The following GLS variants were observed in gnomAD, a reference collection of about 807,000 sequenced individuals.
The protein encoded by GLS is glutaminase kidney isoform, mitochondrial.
A neutral mutation model predicts 86.7 loss-of-function variants in GLS; 36 were observed. The ratio of observed to expected loss-of-function variants is 0.42; its 90% confidence interval spans 0.32 to 0.55. The LOEUF is 0.55. Ranked by LOEUF, GLS falls within the 20% of genes least tolerant of loss-of-function variation. The pLI, the probability that GLS is intolerant of heterozygous loss-of-function variation, is 0.17. For missense variants in GLS, 528 were observed against 833.4 expected, an observed-to-expected ratio of 0.63 and a Z score of 4.51; for synonymous variants, 317 against 305.9, an observed-to-expected ratio of 1.04 and a Z score of -0.38.
chr2:190,912,601 A>C (rs1689400622), intron 7 of GLS, among the ~76,000 whole-genome samples: 1 of 152,150 alleles, frequency 6.6e-6, no homozygotes, highest in Admixed American at 6.6e-5. Context: ...TGTCAAACCC[A>C]GTTCTCTTAC....
rs1292895040 is a variant in GLS at position 190,938,529 on chromosome 2, G to C, written c.1650+6892G>C. ...ATATATTTTTTAGAATCACAGATTT[G>C]AATTTGAAAGTAATCTTAAATGTTA... On this transcript the variant is annotated intron_variant, in intron 14 of 17. Coordinates refer to ENST00000320717, the MANE Select transcript of GLS (RefSeq NM_014905.5). The surrounding 1 kb of genome is among the most constrained non-coding windows in gnomAD (Gnocchi z 4.1). Among the ~76,000 whole-genome samples the C allele has an allele frequency of 6.6e-6, 1 of 151,442 alleles. No individual in the cohort carries two copies. Among genetic ancestry groups the C allele is most frequent in the Non-Finnish European group, 1.5e-5 (1 of 67,484 alleles).
In GLS at chr2:190,954,844, T is replaced by C; in HGVS notation, c.1853+26T>C. The C allele has an allele frequency of 6.9e-7, 1 of 1,440,026 alleles. No individual in the cohort carries two copies. The highest frequency in any genetic ancestry group is 9.6e-7 in the Non-Finnish European group (1 of 1,036,880). 89.2% of individuals were successfully genotyped at this position (1,440,026 alleles called of 1,614,324 possible). On this transcript the variant is annotated intron_variant, in intron 17 of 17. Coordinates refer to ENST00000320717, the MANE Select transcript of GLS (RefSeq NM_014905.5). The surrounding 1 kb of genome is among the most constrained non-coding windows in gnomAD (Gnocchi z 4.0). Reference sequence around the variant, plus strand: ...GTGAGCACTTATGTTACCTTCTAAATATGTCAGTATTTTATTATGCAGGAC... The same window carrying C: ...GTGAGCACTTATGTTACCTTCTAAACATGTCAGTATTTTATTATGCAGGAC...
chr2:190,887,574 G>C (rs892059781), intron 1 of GLS, among the ~76,000 whole-genome samples: 8 of 152,000 alleles, frequency 5.3e-5, no homozygotes, highest in African/African-American at 1.9e-4. Flanking sequence ...TTGTCTTCTT[G>C]ATGAGGATAT....
chr2:190,923,508 A>G (rs1689811078), intron 9 of GLS, among the ~76,000 whole-genome samples: 1 of 152,190 alleles, frequency 6.6e-6, no homozygotes, highest in Non-Finnish European at 1.5e-5. Flanking sequence ...TCCCACTCTC[A>G]GTGAAAGTTC....
At position 190,900,674 on chromosome 2, in the gene GLS, A is replaced by C; in HGVS notation, c.716A>C (p.Lys239Thr). 1 of 1,607,586 alleles carries C rather than the reference A, an allele frequency of 6.2e-7. No individual in the cohort carries two copies. Among genetic ancestry groups the C allele is most frequent in the Non-Finnish European group, 8.5e-7 (1 of 1,175,030 alleles). The part of the protein sequence containing the change: ...SHIDELYESA[K>T]KQSGGKVADY... ...ATTGATGAGTTATATGAAAGTGCTA[A>C]AAAGCAGTCTGGAGGAAAGGTAATG... The change falls in exon 4 of 18, where the codon AAA becomes ACA. Residue 239 changes from lysine (K) to threonine (T), a missense_variant. Physicochemically the swap from Lys to Thr is moderately conservative, Grantham distance 78. Around this residue, in one of 4 missense-constraint regions of GLS, gnomAD observed 111 missense variants for 179.5 expected, o/e 0.62. Coordinates refer to ENST00000320717, the MANE Select transcript of GLS (RefSeq NM_014905.5).
chr2:190,935,082 T>C lies in GLS; in HGVS notation c.1650+3445T>C. 2 of 947,078 alleles carry C rather than the reference T, an allele frequency of 2.1e-6. No individual in the cohort carries two copies. The highest frequency in any genetic ancestry group is 2.5e-6 in the Non-Finnish European group (2 of 795,388). 58.7% of individuals were successfully genotyped at this position (947,078 alleles called of 1,614,324 possible). On this transcript the variant is annotated intron_variant, in intron 14 of 17. Transcript: ENST00000320717. This position sits in a 1 kb window ranked among gnomAD's most constrained non-coding sequence, Gnocchi z 4.2. ...ATATTTGATTTTCTTTTTTCTTTCT[T>C]TTTTTGGCATCATTAACATTTCATT...
chr2:190,960,618 C>T (rs1057429846), intron 17 of GLS, among the ~76,000 whole-genome samples: 4 of 152,028 alleles, frequency 2.6e-5, no homozygotes, highest in Non-Finnish European at 5.9e-5. Context: ...TCAAGCGGTC[C>T]TCCCATCTCA....
In GLS at chr2:190,881,181, AC is replaced by A; in HGVS notation, c.100del (p.Leu34CysfsTer98). The A allele has an allele frequency of 7.1e-7, 1 of 1,411,492 alleles. No individual in the cohort carries two copies. Among genetic ancestry groups the A allele is most frequent in the South Asian group, 1.5e-5 (1 of 68,256 alleles). The allele number at this position is 1,411,492 out of a possible 1,614,324, so 87.4% of individuals were successfully genotyped here. A position where few individuals can be genotyped will look rare whatever the true frequency, so the allele number is the denominator to read the frequency against. ...TCTGCGGCGGGCACAGCCCTTGGTC[AC>A]CCTGTGCCGGCGTCCCCGAGGCGGG... is the stretch of plus-strand genomic sequence containing the variant. ...ATLRRAQPLV[T>X]LCRRPRGGGR... On this transcript the variant is annotated frameshift_variant, in exon 1 of 18. Coordinates refer to ENST00000320717, the MANE Select transcript of GLS (RefSeq NM_014905.5). LOFTEE classifies it high-confidence loss of function.
intron 7 of GLS, among the ~76,000 whole-genome samples, chr2:190,918,949 C>A (rs181603803): frequency 2.1e-3 from 321 of 152,150 alleles, no homozygotes; most frequent in Middle Eastern, 0.01. Flanking sequence ...ATGGACATGG[C>A]TTGTGGTACC....
intron 1 of GLS, among the ~76,000 whole-genome samples, chr2:190,887,931 A>G (rs946823670): frequency 6.6e-6 from 1 of 152,220 alleles, no homozygotes; most frequent in Non-Finnish European, 1.5e-5. Context: ...AGAATTTTCT[A>G]TGCAGTATGA....
At chr2:190,937,121 G>A (rs1430691681) in intron 14 of GLS, among the ~76,000 whole-genome samples, 2 of 151,160 alleles carry the variant, frequency 1.3e-5, no homozygotes, top group Non-Finnish European at 3.0e-5. Context: ...TACCTTACTC[G>A]GTCTTTTCTC....
intron 14 of GLS, chr2:190,934,182 A>T: frequency 1.0e-6 from 1 of 980,708 alleles, no homozygotes; most frequent in Non-Finnish European, 1.2e-6. Context: ...GTTTCTTAGC[A>T]TGATGGTGTA....
intron 14 of GLS, among the ~76,000 whole-genome samples, chr2:190,941,565 A>AAGG (rs1424691802): frequency 4.6e-5 from 1 of 21,926 alleles, no homozygotes; most frequent in African/African-American, 1.2e-4. Context: ...AGGGTACAAT[A>AAGG]AGAACTTGTT....
chr2:190,957,977 GA>G (rs1366213931), intron 17 of GLS, among the ~76,000 whole-genome samples: 1 of 152,210 alleles, frequency 6.6e-6, no homozygotes, highest in Admixed American at 6.5e-5. Flanking sequence ...GATTCAGAAG[GA>G]ATGGTACCAG....
intron 13 of GLS, 86 bp from the exon 14 acceptor site, chr2:190,931,459 G>T (rs962693881): frequency 3.5e-6 from 2 of 567,044 alleles, no homozygotes. Flanking sequence ...TAGGCTGGAC[G>T]ATATAAGCAG....
rs1011360400 is a variant in GLS, at chr2:190,935,050, A to G, written c.1650+3413A>G. On this transcript the variant is annotated intron_variant, in intron 14 of 17. Coordinates refer to ENST00000320717, the MANE Select transcript of GLS (RefSeq NM_014905.5). The surrounding 1 kb of genome is among the most constrained non-coding windows in gnomAD (Gnocchi z 4.2). ...GATTCTTGATATTCAAGCATTTACA[A>G]TGTAGCATATTTGATTTTCTTTTTT... 12 of 927,830 alleles carry G rather than the reference A, an allele frequency of 1.3e-5. No individual in the cohort carries two copies. Among genetic ancestry groups the G allele is most frequent in the African/African-American group, 3.6e-5 (2 of 56,014 alleles). The allele number at this position is 927,830 out of a possible 1,614,324, so 57.5% of individuals were successfully genotyped here. A position where few individuals can be genotyped will look rare whatever the true frequency, so the allele number is the denominator to read the frequency against.
At chr2:190,946,521 T>C (rs1473372602) in intron 14 of GLS, among the ~76,000 whole-genome samples, 1 of 152,120 alleles carries the variant, frequency 6.6e-6, no homozygotes, top group Admixed American at 6.5e-5. Flanking sequence ...TTTTTCATTA[T>C]AGCAGTTCCA....
At position 190,905,268 on chromosome 2, in the gene GLS, G is replaced by A; in HGVS notation, c.979+101G>A. 2 of 710,552 alleles carry A rather than the reference G, an allele frequency of 2.8e-6. No individual in the cohort carries two copies. Among genetic ancestry groups the A allele is most frequent in the East Asian group, 5.4e-5 (2 of 36,766 alleles). The allele number at this position is 710,552 out of a possible 1,614,324, so 44.0% of individuals were successfully genotyped here. A position where few individuals can be genotyped will look rare whatever the true frequency, so the allele number is the denominator to read the frequency against. On this transcript the variant is annotated intron_variant, in intron 6 of 17. Transcript: ENST00000320717. The surrounding 1 kb of genome is among the most constrained non-coding windows in gnomAD (Gnocchi z 4.6). ...TTTTTGATTAAAATTAAAAGTATTT[G>A]TCATGTGATTTCTATATAATCCATT... is the stretch of plus-strand genomic sequence containing the variant.
At chr2:190,911,650 A>G (rs1291791358) in intron 7 of GLS, among the ~76,000 whole-genome samples, 1 of 152,104 alleles carries the variant, frequency 6.6e-6, no homozygotes, top group Non-Finnish European at 1.5e-5. Context: ...TGCTGTGATG[A>G]GAGAAAAGCC....
Sources: allele counts gnomAD v4.1 joint callset (sites outside exome capture counted in the v4.1 genomes callset), GRCh38; gene constraint gnomAD v4.1.1; regional missense constraint gnomAD v4.1.1; non-coding constraint Gnocchi (gnomAD v3.1); transcripts MANE v1.5; gene names NCBI Gene and HGNC (gene_info 2026-07-23, HGNC 2026-07-21).